KIF14: variants seen among roughly 807,000 people sequenced by gnomAD.
The protein encoded by KIF14 is kinesin-like protein KIF14.
In KIF14, 98 loss-of-function variants were observed where a neutral mutation model predicts 176.2. That is an observed-to-expected ratio of 0.56 (90% CI 0.47 to 0.66). The LOEUF is 0.66. Among genes scored for constraint, KIF14 ranks in the 30% least tolerant of loss-of-function variants. The pLI is 0.00. For synonymous variants in KIF14, 566 were observed against 632.2 expected, an observed-to-expected ratio of 0.90 and a Z score of 1.57; for missense variants, 1,751 against 1,920.4, an observed-to-expected ratio of 0.91 and a Z score of 1.65.
chr1:200,600,948 T>C (rs1659595324), intron 11 of KIF14, among the ~76,000 whole-genome samples: 1 of 152,164 alleles, frequency 6.6e-6, no homozygotes, highest in Non-Finnish European at 1.5e-5. Flanking sequence ...AGTGGTACGA[T>C]CTCGGCTCAT....
At chr1:200,611,620 T>C (rs1349129927) in intron 4 of KIF14, among the ~76,000 whole-genome samples, 1 of 152,098 alleles carries the variant, frequency 6.6e-6, no homozygotes, top group Admixed American at 6.5e-5. Context: ...GGGAAACAAA[T>C]TGGAAAAGGT....
intron 20 of KIF14, among the ~76,000 whole-genome samples, 159 bp downstream of exon 20, chr1:200,581,042 A>G (rs1383317484): frequency 3.0e-5 from 4 of 133,280 alleles, no homozygotes; most frequent in African/African-American, 1.2e-4. Context: ...TGAACCCGGG[A>G]GGTGGAGGTT....
At chr1:200,614,281 C>T in intron 4 of KIF14, 37 bp downstream of exon 4, 1 of 1,136,986 alleles carries the variant, frequency 8.8e-7, no homozygotes. Flanking sequence ...CTATTTTCTA[C>T]TCTGAAAAGA....
chr1:200,555,710 T>C (rs1266677781), intron 27 of KIF14, among the ~76,000 whole-genome samples: 1 of 152,120 alleles, frequency 6.6e-6, no homozygotes, highest in Non-Finnish European at 1.5e-5. Context: ...ATAATCTCTC[T>C]CATTTATTTT....
intron 19 of KIF14, among the ~76,000 whole-genome samples, chr1:200,584,439 T>C (rs779255025): frequency 7.2e-5 from 11 of 152,076 alleles, no homozygotes; most frequent in Non-Finnish European, 1.0e-4. Context: ...CTGATGAACA[T>C]AGATCCAAAA....
At chr1:200,567,120 G>A (rs1189078294) in intron 23 of KIF14, among the ~76,000 whole-genome samples, 2 of 151,310 alleles carry the variant, frequency 1.3e-5, no homozygotes, top group African/African-American at 4.9e-5. Flanking sequence ...GCAGTGAGCC[G>A]AGATCGCGCC....
In KIF14 at chr1:200,562,574, C is replaced by T. The variant is rs114944982; in HGVS notation, c.4072-1694G>A. ...TGTGTGTTCTCCCACTATTCTAGTA[C>T]TGCCTCTAAAATCTGAGAGCCAACT... On this transcript the variant is annotated intron_variant, in intron 25 of 29. Transcript: ENST00000367350. Among the ~76,000 whole-genome samples the T allele has an allele frequency of 1.0e-3, 158 of 152,336 alleles. 2 individuals are homozygous for T. Among genetic ancestry groups the T allele is most frequent in the Non-Finnish European group, 2.0e-3 (135 of 68,038 alleles).
chr1:200,596,558 A>G (rs1390067536), intron 14 of KIF14, among the ~76,000 whole-genome samples: 1 of 123,366 alleles, frequency 8.1e-6, no homozygotes, highest in Non-Finnish European at 1.6e-5. Flanking sequence ...AATGTACAAC[A>G]GTCTTTTTTT....
In KIF14 at chr1:200,611,833, T is replaced by C. The variant is rs117374122; in HGVS notation, c.1455+2485A>G. Among the ~76,000 whole-genome samples, 71 of 152,352 alleles carry C rather than the reference T, an allele frequency of 4.7e-4. 1 individual carries two copies. In the East Asian group the frequency reaches 0.014, roughly 29 times the overall value. Reference sequence around the variant, plus strand: ...TTCAAAACCTTTTGTATAGATCAACTCATTTAATGCTCACAACAAACCTAT... The same window carrying C: ...TTCAAAACCTTTTGTATAGATCAACCCATTTAATGCTCACAACAAACCTAT... On this transcript the variant is annotated intron_variant, in intron 4 of 29. Coordinates refer to ENST00000367350, the MANE Select transcript of KIF14 (RefSeq NM_014875.3).
chr1:200,600,653 T>A (rs1659581152), intron 11 of KIF14, 150 bp from the exon 12 acceptor site: 1 of 618,634 alleles, frequency 1.6e-6, no homozygotes, highest in Non-Finnish European at 2.8e-6. Context: ...CAGCTCTACT[T>A]TATATAACCT....
chr1:200,575,854 C>A (rs911711852), intron 21 of KIF14, among the ~76,000 whole-genome samples, 163 bp from the exon 22 acceptor site: 1 of 152,002 alleles, frequency 6.6e-6, no homozygotes, highest in Admixed American at 6.6e-5. Context: ...AATTAAAAGT[C>A]AATCACACGA....
In KIF14 at chr1:200,565,070, T is replaced by C. The variant is rs1411966455; in HGVS notation, c.4070A>G (p.Gln1357Arg). ...KLGGYLQLFL[Q>R]GCCLDISSMI... Reference sequence around the variant, plus strand: ...ATGATAATAAGCAAATCAATTTACCTGCAAAAATAACTGTAAGTAGCCTCC... The same window carrying C: ...ATGATAATAAGCAAATCAATTTACCCGCAAAAATAACTGTAAGTAGCCTCC... Residue 1357 changes from glutamine to arginine, a missense_variant and splice_region_variant, in exon 25 of 30, where the codon CAG becomes CGG. Coordinates refer to ENST00000367350, the MANE Select transcript of KIF14 (RefSeq NM_014875.3). 1.9e-6 allele frequency: 3 copies of C among 1,604,446 alleles called. No individual in the cohort carries two copies. In the South Asian group the frequency reaches 3.3e-5, roughly 18 times the overall value.
At chr1:200,554,059 A>T (rs1656699620) in intron 29 of KIF14, among the ~76,000 whole-genome samples, 2 of 152,168 alleles carry the variant, frequency 1.3e-5, no homozygotes, top group Non-Finnish European at 2.9e-5. Context: ...GGTAGGCTTC[A>T]GTTAATGACT....
chr1:200,571,196 T>G (rs1006167645), intron 22 of KIF14, among the ~76,000 whole-genome samples: 11 of 151,730 alleles, frequency 7.2e-5, no homozygotes, highest in African/African-American at 2.7e-4. Context: ...CTGTCTGTAG[T>G]CCCAGCTACT....
At chr1:200,566,829 A>C (rs1657483439) in intron 23 of KIF14, among the ~76,000 whole-genome samples, 1 of 152,118 alleles carries the variant, frequency 6.6e-6, no homozygotes, top group Non-Finnish European at 1.5e-5. Flanking sequence ...TAAAATTAGA[A>C]GTATAATTGG....
At chr1:200,577,405 G>A (rs564684151) in intron 21 of KIF14, among the ~76,000 whole-genome samples, 17 of 152,144 alleles carry the variant, frequency 1.1e-4, no homozygotes, top group Admixed American at 6.5e-5. Context: ...TGATCCTCCA[G>A]CCTTGGCCTC....
Position 200,589,298 on chromosome 1 carries a change from T to G in KIF14, c.3033A>C (p.Leu1011Phe). The G allele has an allele frequency of 6.2e-7, 1 of 1,612,100 alleles. No individual in the cohort carries two copies. Among genetic ancestry groups the G allele is most frequent in the Non-Finnish European group, 8.5e-7 (1 of 1,178,412 alleles). Residue 1011 changes from leucine to phenylalanine, a missense_variant, in exon 18 of 30, where the codon TTA (leucine) becomes TTC (phenylalanine). Coordinates refer to ENST00000367350, the MANE Select transcript of KIF14 (RefSeq NM_014875.3). ...GTTCAAGATGCTGCTTTGCCTTTTCTAATTCCTCAATTTTGTGATTAGCCT... is the reference window on the plus strand; with the variant it reads ...GTTCAAGATGCTGCTTTGCCTTTTCGAATTCCTCAATTTTGTGATTAGCCT... ...NQKANHKIEELEKAKQHLEQE... is the reference protein window; with the variant it reads ...NQKANHKIEEFEKAKQHLEQE...
At chr1:200,587,090 C>T (rs543150349) in intron 18 of KIF14, among the ~76,000 whole-genome samples, 29 of 152,116 alleles carry the variant, frequency 1.9e-4, no homozygotes, top group African/African-American at 7.0e-4. Context: ...CAGGATGAAA[C>T]GGTTCCACCT....
chr1:200,571,967 CA>C (rs1241196367), intron 22 of KIF14, among the ~76,000 whole-genome samples: 1 of 152,082 alleles, frequency 6.6e-6, no homozygotes, highest in Non-Finnish European at 1.5e-5. Flanking sequence ...TAAAGGCAGC[CA>C]AACCAGTCTA....
Sources: allele counts gnomAD v4.1 joint callset (sites outside exome capture counted in the v4.1 genomes callset), GRCh38; gene constraint gnomAD v4.1.1; transcripts MANE v1.5; gene names NCBI Gene and HGNC (gene_info 2026-07-23, HGNC 2026-07-21).